The following TRIM10 variants were observed in gnomAD, a reference collection of about 807,000 sequenced individuals.
TRIM10 encodes the protein tripartite motif-containing protein 10.
In TRIM10, 42 loss-of-function variants were observed where a neutral mutation model predicts 40.0. That is an observed-to-expected ratio of 1.05 (90% CI 0.82 to 1.36). The LOEUF is 1.36. Among genes scored for constraint, TRIM10 ranks in the 40% most tolerant of loss-of-function variants. The pLI is 0.00. For synonymous variants in TRIM10, 260 were observed against 239.5 expected (o/e 1.09, Z -0.79); for missense variants, 601 against 608.3 (o/e 0.99, Z 0.13).
In TRIM10 at chr6:30,152,250, C is replaced by A. The variant is rs1417615013; in HGVS notation, c.*1719G>T. The A allele has an allele frequency of 6.6e-6, 1 of 152,128 alleles. No individual in the cohort carries two copies. Among genetic ancestry groups the A allele is most frequent in the Non-Finnish European group, 1.5e-5 (1 of 68,026 alleles). 9.4% of individuals were successfully genotyped at this position (152,128 alleles called of 1,614,324 possible). A position where few individuals can be genotyped will look rare whatever the true frequency, so the allele number is the denominator to read the frequency against. ...ATAAAGTGACACAAGGTGTGTAAAG[C>A]TCCCGAGCTGCAAGCCAGGATCTTC... is the stretch of plus-strand genomic sequence containing the variant. On this transcript the variant is annotated 3_prime_UTR_variant, in exon 7 of 7. Coordinates refer to ENST00000449742, the MANE Select transcript of TRIM10 (RefSeq NM_006778.4).
At position 30,160,476 on chromosome 6, in the gene TRIM10, G is replaced by T. The variant is rs757694713; in HGVS notation, c.383C>A (p.Ala128Asp). The change falls in exon 1 of 7, where the codon GCT becomes GAT. Residue 128 changes from alanine (A) to aspartate (D), a missense_variant. Coordinates refer to ENST00000449742, the MANE Select transcript of TRIM10 (RefSeq NM_006778.4). ...CVVCREAGEH[A>D]THTMRFLEDA... is the part of the protein sequence containing the mutation. ...CTCCAGGAAGCGCATGGTGTGGGTAGCGTGCTCCCCAGCCTCCCGGCACAC... is the reference window on the plus strand; with the variant it reads ...CTCCAGGAAGCGCATGGTGTGGGTATCGTGCTCCCCAGCCTCCCGGCACAC... 25 of 1,614,002 alleles carry T rather than the reference G, an allele frequency of 1.5e-5. No homozygotes were observed. The highest frequency in any genetic ancestry group is 2.1e-5 in the Non-Finnish European group (25 of 1,180,032).
chr6:30,154,444 A>G lies in TRIM10; in HGVS notation c.971T>C (p.Leu324Pro). Residue 324 changes from leucine (L) to proline (P), a missense_variant, in exon 7 of 7, where the codon CTC (leucine) becomes CCC (proline). Leu to Pro is a moderately conservative substitution (Grantham distance 98, BLOSUM62 -3). Transcript: ENST00000449742. ...AGCTCGCTGGTGGTCCTCGGACAAG[A>G]GGAGCTTGGGGTGGGAAGTCTGAGG... ...LDPQTSHPKL[L>P]LSEDHQRAQF... 6.2e-7 allele frequency: 1 copy of G among 1,612,710 alleles called. No homozygotes were observed. Among genetic ancestry groups the G allele is most frequent in the Non-Finnish European group, 8.5e-7 (1 of 1,179,980 alleles).
Position 30,158,496 on chromosome 6 carries a change from T to C in TRIM10, c.659A>G (p.Glu220Gly). 6.2e-7 allele frequency: 1 copy of C among 1,613,086 alleles called. No individual in the cohort carries two copies. The highest frequency in any genetic ancestry group is 1.1e-5 in the South Asian group (1 of 91,088). The change falls in exon 3 of 7, where the codon GAA (glutamate) becomes GGA (glycine). Residue 220 changes from glutamate (E) to glycine (G), a missense_variant. By Grantham distance (98) the Glu-to-Gly change is moderately conservative. Transcript: ENST00000449742. Reference sequence around the variant, plus strand: ...CTCCCCAGCAACCAGCAAATCAAATTCATCCCGTTGCCTCAAGATGTCCCC... The same window carrying C: ...CTCCCCAGCAACCAGCAAATCAAATCCATCCCGTTGCCTCAAGATGTCCCC... Reference protein sequence around the residue: ...QDGDILRQRDEFDLLVAGEIC... With the variant: ...QDGDILRQRDGFDLLVAGEIC...
At position 30,154,387 on chromosome 6, in the gene TRIM10, T is replaced by G; in HGVS notation, c.1028A>C (p.Asp343Ala). The change falls in exon 7 of 7, where the codon GAC (aspartate) becomes GCC (alanine). Residue 343 changes from aspartate to alanine, a missense_variant. Coordinates refer to ENST00000449742, the MANE Select transcript of TRIM10 (RefSeq NM_006778.4). Reference protein sequence around the residue: ...QFSYKWQNSPDNPQRFDRATC... With the variant: ...QFSYKWQNSPANPQRFDRATC... ...GGCCCGGTCAAAACGTTGGGGGTTG[T>G]CTGGTGAGTTCTGCCATTTGTAGGA... 1 of 1,612,964 alleles carries G rather than the reference T, an allele frequency of 6.2e-7. No homozygotes were observed. Among genetic ancestry groups the G allele is most frequent in the Non-Finnish European group, 8.5e-7 (1 of 1,179,982 alleles).
At chr6:30,154,838 G>T in intron 6 of TRIM10, 2 of 579,354 alleles carry the variant, frequency 3.5e-6, no homozygotes, top group Non-Finnish European at 6.5e-6. Context: ...GATCTCCTGG[G>T]GCTGATATAC....
intron 1 of TRIM10, among the ~76,000 whole-genome samples, chr6:30,160,122 T>C (rs1420409711): frequency 6.6e-6 from 1 of 152,006 alleles, no homozygotes; most frequent in Non-Finnish European, 1.5e-5. Flanking sequence ...GTACAATCAT[T>C]CCCTCAAATG....
chr6:30,158,355 C>T (rs560494648), intron 3 of TRIM10, 44 bp downstream of exon 3: 6 of 1,526,898 alleles, frequency 3.9e-6, no homozygotes, highest in South Asian at 2.2e-5. Flanking sequence ...ATGCAAGAGT[C>T]ACAGGACAGC....
At chr6:30,163,879 G>A (rs772158388), upstream of TRIM10, 2 of 1,612,966 alleles carry the variant, frequency 1.2e-6, no homozygotes, top group African/African-American at 2.7e-5. Flanking sequence ...AGGAGGAGCA[G>A]GCAGAGACTC....
upstream of TRIM10, among the ~76,000 whole-genome samples, chr6:30,161,573 A>G (rs1773094740): frequency 6.7e-6 from 1 of 150,264 alleles, no homozygotes; most frequent in Non-Finnish European, 1.5e-5. Context: ...CAATGACGGT[A>G]CAACTTACAT....
In TRIM10 at chr6:30,154,493, G is replaced by T. The variant is rs1310952594; in HGVS notation, c.929-7C>A. 5.6e-6 allele frequency: 9 copies of T among 1,607,894 alleles called. No homozygotes were observed. The highest frequency in any genetic ancestry group is 7.6e-6 in the Non-Finnish European group (9 of 1,179,590). On this transcript the variant is annotated splice_polypyrimidine_tract_variant and splice_region_variant and intron_variant, in intron 6 of 6. Coordinates refer to ENST00000449742, the MANE Select transcript of TRIM10 (RefSeq NM_006778.4). ...GGGTCTAGAGAAATGTGAGCTGTGG[G>T]GATAACCAAAAGGGACAGATGTCAG...
chr6:30,163,707 A>G (rs1308206960), upstream of TRIM10: 5 of 1,611,024 alleles, frequency 3.1e-6, no homozygotes, highest in Non-Finnish European at 4.2e-6. Context: ...CCGTCCCTGA[A>G]GGTGGTCCAT....
intron 5 of TRIM10, 22 bp from the exon 6 acceptor site, chr6:30,155,781 A>G: frequency 6.2e-7 from 1 of 1,610,980 alleles, no homozygotes. Flanking sequence ...ATAAACCAGG[A>G]TGAGATTTTA....
chr6:30,160,766 G>A lies in TRIM10; in HGVS notation c.93C>T (p.Cys31=), dbSNP rs780006266. 4.2e-5 allele frequency: 67 copies of A among 1,614,072 alleles called. No individual in the cohort carries two copies. The Admixed American group carries it at 7.3e-4, about 18-fold the overall frequency. The stretch of plus-strand genomic sequence containing the variant: ...GGCAGGCCCGGCAGAAGTTGTGGCC[G>A]CAGTCGATAGTGACCGGCTCCCTCA... ...GTLREPVTID[C]GHNFCRACLT... The change falls in exon 1 of 7, where the codon TGC becomes TGT. Residue 31 remains cysteine, a synonymous_variant. Transcript: ENST00000449742.
chr6:30,163,837 G>A (rs138173429), upstream of TRIM10: 21 of 1,612,882 alleles, frequency 1.3e-5, no homozygotes, highest in Non-Finnish European at 1.7e-5. Context: ...CCCAATCCTC[G>A]GGCAAGATCC....
Position 30,154,564 on chromosome 6 carries a change from G to C in TRIM10, c.929-78C>G, listed in dbSNP as rs930156901. The C allele has an allele frequency of 4.5e-6, 7 of 1,560,880 alleles. No homozygotes were observed. In the Admixed American group the frequency reaches 1.0e-4, roughly 23 times the overall value. ...AGGAAGGCATAGAAACTCCCCCTGG[G>C]CCCCTCCTGTTAGTGTTATTATTAC... On this transcript the variant is annotated intron_variant, in intron 6 of 6. Transcript: ENST00000449742.
At chr6:30,162,062 TCAGGAAATCTAGAC>T (rs1773143649), upstream of TRIM10, among the ~76,000 whole-genome samples, 3 of 151,838 alleles carry the variant, frequency 2.0e-5, no homozygotes, top group Non-Finnish European at 4.4e-5. Context: ...GATCACGAGG[TCAGGAAATCTAGAC>T]CATCCTGGTT....
chr6:30,162,275 C>CA (rs112405006), upstream of TRIM10, among the ~76,000 whole-genome samples: 6,914 of 64,514 alleles, frequency 0.11, 310 homozygotes, highest in African/African-American at 0.2. Context: ...GACTCCATTT[C>CA]AAAAAAAAAA....
At chr6:30,154,611 C>CGTGGGCCAACAGT (rs1772355396) in intron 6 of TRIM10, 125 bp from the exon 7 acceptor site, 2 of 1,245,908 alleles carry the variant, frequency 1.6e-6, no homozygotes, top group Non-Finnish European at 1.1e-6. Context: ...ATAGTGCCTA[C>CGTGGGCCAACAGT]GTGGGCCAAC....
At chr6:30,158,860 C>T (rs890115598) in intron 2 of TRIM10, among the ~76,000 whole-genome samples, 1 of 150,262 alleles carries the variant, frequency 6.7e-6, no homozygotes, top group African/African-American at 2.5e-5. Context: ...GGACACCCTA[C>T]CTCCTGTCTT....
Sources: gnomAD v4.1 joint callset for allele counts (sites outside exome capture counted in the v4.1 genomes callset) on GRCh38, gnomAD v4.1.1 for gene constraint, MANE v1.5 for transcripts, NCBI Gene and HGNC (gene_info 2026-07-23, HGNC 2026-07-21) for gene names.